CRACD: variants seen among roughly 807,000 people sequenced by gnomAD.
CRACD encodes the protein capping protein inhibiting regulator of actin dynamics.
A neutral mutation model predicts 106.8 loss-of-function variants in CRACD; 56 were observed. That is an observed-to-expected ratio of 0.52 (90% CI 0.42 to 0.66). The LOEUF is 0.66. CRACD is among the 30% of genes least tolerant of loss of function. CRACD has a pLI of 0.00. For synonymous variants in CRACD, 754 were observed against 670.8 expected (o/e 1.12, Z -1.92); for missense variants, 1,730 against 1,623.2 (o/e 1.07, Z -1.13).
At chr4:56,225,461 G>GATCTTT (rs1252711727) in intron 2 of CRACD, among the ~76,000 whole-genome samples, 1 of 152,090 alleles carries the variant, frequency 6.6e-6, no homozygotes, top group Admixed American at 6.6e-5. Flanking sequence ...TTCTCATCTT[G>GATCTTT]ATCTTTATCT....
At chr4:56,245,214 A>G (rs757475123) in intron 2 of CRACD, among the ~76,000 whole-genome samples, 7 of 152,190 alleles carry the variant, frequency 4.6e-5, no homozygotes, top group Non-Finnish European at 7.3e-5. Flanking sequence ...AGTATTTTCT[A>G]TGAAGTCTTT....
chr4:56,280,223 A>G (rs1742953451), intron 3 of CRACD, among the ~76,000 whole-genome samples: 1 of 152,068 alleles, frequency 6.6e-6, no homozygotes, highest in South Asian at 2.1e-4. Flanking sequence ...CAGCACACCA[A>G]CATGGCACAT....
chr4:56,252,807 C>T (rs1741128805), intron 2 of CRACD, among the ~76,000 whole-genome samples: 1 of 152,194 alleles, frequency 6.6e-6, no homozygotes, highest in Non-Finnish European at 1.5e-5. Flanking sequence ...GAAGCTGTCT[C>T]TTTGCATCAT....
chr4:56,240,731 A>G (rs1740316890), intron 2 of CRACD, among the ~76,000 whole-genome samples: 1 of 152,156 alleles, frequency 6.6e-6, no homozygotes, highest in South Asian at 2.1e-4. Flanking sequence ...ACTCTACTTC[A>G]AGCAGTCCTC....
chr4:56,296,563 T>A (rs570911136), intron 3 of CRACD, among the ~76,000 whole-genome samples: 51 of 152,176 alleles, frequency 3.4e-4, no homozygotes, highest in Non-Finnish European at 6.3e-4. Flanking sequence ...CCTTGCCCAC[T>A]GCATTCTGTA....
intron 2 of CRACD, among the ~76,000 whole-genome samples, chr4:56,222,178 G>A (rs185545532): frequency 6.6e-6 from 1 of 152,218 alleles, no homozygotes; most frequent in East Asian, 1.9e-4. Context: ...AGAAACTGTG[G>A]TATATATACA....
rs921021707 is a variant in CRACD at position 56,328,717 on chromosome 4, C to G, written c.*913C>G. 1 of 167,020 alleles carries G rather than the reference C, an allele frequency of 6.0e-6. No individual in the cohort carries two copies. Among genetic ancestry groups the G allele is most frequent in the African/African-American group, 2.4e-5 (1 of 41,740 alleles). The allele number at this position is 167,020 out of a possible 1,614,324, so 10.3% of individuals were successfully genotyped here. A position where few individuals can be genotyped will look rare whatever the true frequency, so the allele number is the denominator to read the frequency against. On this transcript the variant is annotated 3_prime_UTR_variant, in exon 11 of 11. Transcript: ENST00000682029. The stretch of plus-strand genomic sequence containing the variant: ...ACTCTTCAGGTCAGTTCTGATAGAT[C>G]CCAAAGGTTAAGAACTGTGAGAAAC...
intron 3 of CRACD, among the ~76,000 whole-genome samples, chr4:56,287,711 G>A (rs544591133): frequency 5.9e-5 from 9 of 152,260 alleles, no homozygotes; most frequent in Non-Finnish European, 1.2e-4. Context: ...TAGCCACCAT[G>A]CCTGGCCCTA....
chr4:56,329,666 A>G lies in CRACD; in HGVS notation c.*1862A>G, dbSNP rs563964614. Among the ~76,000 whole-genome samples the G allele has an allele frequency of 8.5e-5, 13 of 152,276 alleles. 1 individual carries two copies. In the South Asian group the frequency reaches 2.7e-3, roughly 32 times the overall value. On this transcript the variant is annotated 3_prime_UTR_variant, in exon 11 of 11. Coordinates refer to ENST00000682029, the MANE Select transcript of CRACD (RefSeq NM_001393381.1). ...ACTAATGTTCATTTCTAAATCTTATATGTAGGCATTTGTTAGTTCCAATGA... is the reference window on the plus strand; with the variant it reads ...ACTAATGTTCATTTCTAAATCTTATGTGTAGGCATTTGTTAGTTCCAATGA...
intron 5 of CRACD, chr4:56,309,137 C>T (rs1193033824): frequency 1.5e-5 from 6 of 398,194 alleles, no homozygotes; most frequent in Non-Finnish European, 3.0e-5. Context: ...GGAGAGGTCT[C>T]TTATTTGGGT....
intron 1 of CRACD, among the ~76,000 whole-genome samples, chr4:56,090,685 G>C (rs1362714626): frequency 1.3e-5 from 2 of 152,130 alleles, no homozygotes; most frequent in Non-Finnish European, 2.9e-5. Flanking sequence ...GTAAGCCACT[G>C]CGCCCAGTCA....
chr4:56,271,610 C>T (rs1008958082), intron 2 of CRACD, among the ~76,000 whole-genome samples: 24 of 152,090 alleles, frequency 1.6e-4, no homozygotes, highest in Non-Finnish European at 2.9e-5. Flanking sequence ...GTGTTTTTCT[C>T]AGCCTCTTCA....
At chr4:56,132,259 C>T (rs973044210) in intron 1 of CRACD, among the ~76,000 whole-genome samples, 4 of 152,116 alleles carry the variant, frequency 2.6e-5, no homozygotes, top group Admixed American at 6.5e-5. Context: ...AAGCTGGTCT[C>T]GAACTTCTGG....
chr4:56,142,120 C>A (rs888167353), intron 1 of CRACD, among the ~76,000 whole-genome samples: 3 of 152,174 alleles, frequency 2.0e-5, no homozygotes, highest in East Asian at 3.8e-4. Flanking sequence ...CAGAAATAAT[C>A]ATTGTTAATA....
intron 3 of CRACD, among the ~76,000 whole-genome samples, chr4:56,284,891 GTT>G (rs1743249112): frequency 6.6e-6 from 1 of 152,194 alleles, no homozygotes; most frequent in Non-Finnish European, 1.5e-5. Context: ...GCAAGAAAAG[GTT>G]TGTGGGGCTG....
At chr4:56,077,187 C>G (rs1732868436) in intron 1 of CRACD, among the ~76,000 whole-genome samples, 1 of 152,172 alleles carries the variant, frequency 6.6e-6, no homozygotes, top group African/African-American at 2.4e-5. Flanking sequence ...GGAGAGGCCT[C>G]AGGAAACTTA....
intron 1 of CRACD, among the ~76,000 whole-genome samples, chr4:56,070,293 C>A (rs896476328): frequency 6.9e-6 from 1 of 145,576 alleles, no homozygotes; most frequent in African/African-American, 2.7e-5. Flanking sequence ...CTATCTGAGT[C>A]CTTGCCCATT....
intron 2 of CRACD, among the ~76,000 whole-genome samples, chr4:56,201,964 A>G (rs1012600761): frequency 6.6e-6 from 1 of 152,234 alleles, no homozygotes; most frequent in East Asian, 1.9e-4. Flanking sequence ...GAGACAAGTT[A>G]TTGTTCAGCA....
chr4:56,161,524 T>C (rs1434861286), intron 1 of CRACD, among the ~76,000 whole-genome samples: 1 of 152,028 alleles, frequency 6.6e-6, no homozygotes, highest in African/African-American at 2.4e-5. Flanking sequence ...CAATTTCAGC[T>C]CACTGTAGCC....
Sources: gnomAD v4.1 joint callset for allele counts (sites outside exome capture counted in the v4.1 genomes callset) on GRCh38, gnomAD v4.1.1 for gene constraint, MANE v1.5 for transcripts, NCBI Gene and HGNC (gene_info 2026-07-23, HGNC 2026-07-21) for gene names.